Variants in CACNA2D3 observed in about 807,000 individuals in gnomAD.
CACNA2D3 encodes the protein voltage-dependent calcium channel subunit alpha-2/delta-3.
In CACNA2D3, 60 loss-of-function variants were observed where a neutral mutation model predicts 160.6. That is an observed-to-expected ratio of 0.37 (90% confidence interval 0.30 to 0.46). The LOEUF (loss-of-function observed/expected upper bound fraction) is 0.46. CACNA2D3 is among the 20% of genes least tolerant of loss of function. CACNA2D3 has a pLI of 1.00. For missense variants in CACNA2D3, 1,205 were observed against 1,365.0 expected, an observed-to-expected ratio of 0.88 and a Z score of 1.85; for synonymous variants, 558 against 492.9, an observed-to-expected ratio of 1.13 and a Z score of -1.75.
intron 2 of CACNA2D3, among the ~76,000 whole-genome samples, chr3:54,235,247 CCATT>C (rs1393643886): frequency 6.6e-6 from 1 of 152,142 alleles, no homozygotes; most frequent in African/African-American, 2.4e-5. Context: ...CTGTATTAGT[CCATT>C]CTCACATTGC....
At chr3:54,251,018 C>T (rs894504283) in intron 2 of CACNA2D3, among the ~76,000 whole-genome samples, 4 of 152,030 alleles carry the variant, frequency 2.6e-5, no homozygotes, top group Admixed American at 6.6e-5. Context: ...GCAAAAGCTC[C>T]GAGGCAGCAC....
At chr3:54,701,801 C>T (rs556138481) in intron 11 of CACNA2D3, among the ~76,000 whole-genome samples, 6 of 151,924 alleles carry the variant, frequency 3.9e-5, no homozygotes, top group Admixed American at 6.6e-5. Flanking sequence ...AATCTTAAGC[C>T]GAAAGAATAA....
intron 5 of CACNA2D3, among the ~76,000 whole-genome samples, chr3:54,551,375 A>G (rs1437558112): frequency 1.3e-5 from 2 of 152,238 alleles, no homozygotes; most frequent in Non-Finnish European, 2.9e-5. Context: ...GAATGAATGA[A>G]TAAATAAATG....
chr3:54,695,687 A>G (rs2106939640), intron 11 of CACNA2D3, among the ~76,000 whole-genome samples: 1 of 152,320 alleles, frequency 6.6e-6, no homozygotes, highest in Non-Finnish European at 1.5e-5. Context: ...CATTACCAAT[A>G]AGATTTTATA....
chr3:54,606,216 T>G (rs1698622490), intron 9 of CACNA2D3, among the ~76,000 whole-genome samples: 1 of 152,096 alleles, frequency 6.6e-6, no homozygotes, highest in African/African-American at 2.4e-5. Context: ...TGGCTTCTTG[T>G]TTTATACTTT....
At chr3:54,604,889 G>T (rs933922979) in intron 9 of CACNA2D3, among the ~76,000 whole-genome samples, 7 of 152,128 alleles carry the variant, frequency 4.6e-5, no homozygotes, top group African/African-American at 1.7e-4. Flanking sequence ...GGAGTAGTTC[G>T]CAAGGGCTGC....
intron 11 of CACNA2D3, among the ~76,000 whole-genome samples, chr3:54,661,817 G>T (rs1699975937): frequency 6.6e-6 from 1 of 150,666 alleles, no homozygotes; most frequent in Admixed American, 6.6e-5. Flanking sequence ...CAGCCCTATG[G>T]TTCACACAGA....
At chr3:54,722,609 T>C (rs1701189612) in intron 11 of CACNA2D3, among the ~76,000 whole-genome samples, 2 of 152,152 alleles carry the variant, frequency 1.3e-5, no homozygotes, top group African/African-American at 4.8e-5. Context: ...GGATGTGCTA[T>C]TCCTTTCTGT....
chr3:54,646,652 A>T (rs1277398096), intron 11 of CACNA2D3, among the ~76,000 whole-genome samples: 1 of 152,174 alleles, frequency 6.6e-6, no homozygotes, highest in African/African-American at 2.4e-5. Context: ...TATCCAGTCT[A>T]TCACTGATGG....
At chr3:54,791,802 A>G (rs965681939) in intron 13 of CACNA2D3, among the ~76,000 whole-genome samples, 1 of 152,152 alleles carries the variant, frequency 6.6e-6, no homozygotes. Flanking sequence ...CCAGATCACC[A>G]TTTTAGAGTT....
intron 5 of CACNA2D3, among the ~76,000 whole-genome samples, chr3:54,503,956 G>T (rs1330071943): frequency 1.3e-5 from 2 of 152,202 alleles, no homozygotes; most frequent in Non-Finnish European, 2.9e-5. Context: ...CAGCCATAGA[G>T]TCTCTGTTGC....
intron 2 of CACNA2D3, among the ~76,000 whole-genome samples, chr3:54,140,175 G>A (rs555438699): frequency 6.6e-6 from 1 of 152,296 alleles, no homozygotes; most frequent in South Asian, 2.1e-4. Context: ...GGCATCAAAG[G>A]TGAGACATCT....
In CACNA2D3 at chr3:54,122,752, G is replaced by A. The variant is rs977939491; in HGVS notation, c.39G>A (p.Gly13=). The A allele has an allele frequency of 4.9e-6, 6 of 1,221,590 alleles. No individual in the cohort carries two copies. Among genetic ancestry groups the A allele is most frequent in the Admixed American group, 4.3e-5 (1 of 23,118 alleles). The allele number at this position is 1,221,590 out of a possible 1,614,324, so 75.7% of individuals were successfully genotyped here. A position where few individuals can be genotyped will look rare whatever the true frequency, so the allele number is the denominator to read the frequency against. The part of the protein sequence containing the change: ...GPGSPRRASR[G]ASALLAAALL... ...GCTCGCCGCGCCGCGCGTCCCGGGGGGCCTCGGCGCTTCTCGCTGCCGCGC... is the reference window on the plus strand; with the variant it reads ...GCTCGCCGCGCCGCGCGTCCCGGGGAGCCTCGGCGCTTCTCGCTGCCGCGC... Residue 13 remains glycine (G), a synonymous_variant, in exon 1 of 38, where the codon GGG becomes GGA. Transcript: ENST00000474759.
At chr3:54,541,101 C>T (rs578142459) in intron 5 of CACNA2D3, among the ~76,000 whole-genome samples, 1 of 151,762 alleles carries the variant, frequency 6.6e-6, no homozygotes, top group Non-Finnish European at 1.5e-5. Context: ...CATGGTGAAA[C>T]CCCATCTCTA....
intron 13 of CACNA2D3, among the ~76,000 whole-genome samples, chr3:54,801,242 C>T (rs1211808777): frequency 1.3e-5 from 2 of 152,130 alleles, no homozygotes; most frequent in African/African-American, 4.8e-5. Flanking sequence ...CCCATTTTGG[C>T]CTCCCAAAGT....
chr3:54,878,312 G>A (rs1210455582), intron 18 of CACNA2D3, among the ~76,000 whole-genome samples: 1 of 152,026 alleles, frequency 6.6e-6, no homozygotes, highest in African/African-American at 2.4e-5. Context: ...TGCCCATGAC[G>A]GCACATCTTT....
chr3:54,904,087 A>C (rs1349085979), intron 27 of CACNA2D3, among the ~76,000 whole-genome samples: 1 of 152,204 alleles, frequency 6.6e-6, no homozygotes, highest in Non-Finnish European at 1.5e-5. Context: ...ATCTGGCAAG[A>C]GCCTTCGTGC....
intron 3 of CACNA2D3, among the ~76,000 whole-genome samples, chr3:54,330,163 T>C (rs948695722): frequency 6.6e-6 from 1 of 152,056 alleles, no homozygotes; most frequent in African/African-American, 2.4e-5. Flanking sequence ...CTTTGTACTA[T>C]CAGGGGTAAA....
intron 4 of CACNA2D3, among the ~76,000 whole-genome samples, chr3:54,481,330 G>A (rs967977231): frequency 6.6e-5 from 10 of 152,302 alleles, no homozygotes; most frequent in African/African-American, 2.4e-4. Context: ...TTTCCAGTGT[G>A]TTCCTGGGAT....
Sources: gnomAD v4.1 joint callset for allele counts (sites outside exome capture counted in the v4.1 genomes callset) on GRCh38, gnomAD v4.1.1 for gene constraint, MANE v1.5 for transcripts, NCBI Gene and HGNC (gene_info 2026-07-23, HGNC 2026-07-21) for gene names.